Variants in CSNK2A2IP observed in about 807,000 individuals in gnomAD.
CSNK2A2IP encodes casein kinase II subunit alpha'-interacting protein.
At chr3:88,369,854 T>A in the CSNK2A2IP span, among the ~76,000 whole-genome samples, 1 of 151,840 alleles carries the variant, frequency 6.6e-6, no homozygotes, top group Non-Finnish European at 1.5e-5. Flanking sequence ...CAACTGGAAG[T>A]TTACTAGGGG....
At chr3:88,454,170 C>T in the CSNK2A2IP span, among the ~76,000 whole-genome samples, 1 of 151,864 alleles carries the variant, frequency 6.6e-6, no homozygotes. Flanking sequence ...AATTTGGATT[C>T]CTCTAAAGAA....
the CSNK2A2IP span, among the ~76,000 whole-genome samples, chr3:88,361,486 A>G: frequency 1.3e-5 from 2 of 152,284 alleles, no homozygotes; most frequent in African/African-American, 4.8e-5. Flanking sequence ...GCTGCTAAAC[A>G]TAGGATTGAA....
the CSNK2A2IP span, among the ~76,000 whole-genome samples, chr3:88,358,907 T>C: frequency 2.0e-5 from 3 of 152,190 alleles, no homozygotes; most frequent in Admixed American, 2.0e-4. Flanking sequence ...ATAGGATTAG[T>C]ATTTGTTCCA....
At chr3:88,407,634 A>G in the CSNK2A2IP span, among the ~76,000 whole-genome samples, 1 of 152,152 alleles carries the variant, frequency 6.6e-6, no homozygotes, top group Admixed American at 6.5e-5. Context: ...AATGGCTTAG[A>G]GCTTCTTTCA....
chr3:88,357,667 G>A, the CSNK2A2IP span, among the ~76,000 whole-genome samples: 1 of 152,024 alleles, frequency 6.6e-6, no homozygotes, highest in Non-Finnish European at 1.5e-5. Context: ...AGATTTCTTT[G>A]GGTAGTATGG....
chr3:88,452,408 C>A, the CSNK2A2IP span, among the ~76,000 whole-genome samples: 1 of 152,086 alleles, frequency 6.6e-6, no homozygotes, highest in East Asian at 1.9e-4. Flanking sequence ...ATATTCAAAG[C>A]GTGGCCAAGT....
chr3:88,386,725 T>C, the CSNK2A2IP span, among the ~76,000 whole-genome samples: 5,723 of 152,240 alleles, frequency 0.038, 264 homozygotes, highest in African/African-American at 0.11. Flanking sequence ...ATGTGGTGGT[T>C]AGTGAACGAA....
chr3:88,355,545 C>T, the CSNK2A2IP span, among the ~76,000 whole-genome samples: 1 of 152,160 alleles, frequency 6.6e-6, no homozygotes, highest in African/African-American at 2.4e-5. Context: ...GACTTCTGTA[C>T]ATTTTCCCAT....
the CSNK2A2IP span, among the ~76,000 whole-genome samples, chr3:88,411,363 ATCTATCTATCTATCTG>A: frequency 5.8e-4 from 75 of 129,256 alleles, 1 homozygote; most frequent in African/African-American, 2.1e-3. Context: ...CTATCTATCT[ATCTATCTATCTATCTG>A]TCTATCTATC....
the CSNK2A2IP span, among the ~76,000 whole-genome samples, chr3:88,412,215 C>T: frequency 6.6e-6 from 1 of 151,830 alleles, no homozygotes; most frequent in South Asian, 2.1e-4. Context: ...TATAAAATTA[C>T]TGACTTTGTG....
At chr3:88,362,824 G>A in the CSNK2A2IP span, among the ~76,000 whole-genome samples, 3 of 152,128 alleles carry the variant, frequency 2.0e-5, no homozygotes, top group Non-Finnish European at 4.4e-5. Context: ...GGCTGAGCTG[G>A]CATCAAAGTT....
chr3:88,421,293 T>C, the CSNK2A2IP span, among the ~76,000 whole-genome samples: 1 of 152,182 alleles, frequency 6.6e-6, no homozygotes, highest in African/African-American at 2.4e-5. Context: ...ATAGGAGACC[T>C]CTCTACTAAG....
chr3:88,357,971 C>T, the CSNK2A2IP span, among the ~76,000 whole-genome samples: 1 of 152,096 alleles, frequency 6.6e-6, no homozygotes, highest in Non-Finnish European at 1.5e-5. Flanking sequence ...AAGTGTTCTG[C>T]CCACCTCTGC....
At chr3:88,434,110 G>A in the CSNK2A2IP span, among the ~76,000 whole-genome samples, 1 of 152,192 alleles carries the variant, frequency 6.6e-6, no homozygotes, top group South Asian at 2.1e-4. Context: ...CTAAAATGTA[G>A]ACTTGGGGGC....
the CSNK2A2IP span, among the ~76,000 whole-genome samples, chr3:88,350,481 G>T: frequency 2.0e-5 from 3 of 151,914 alleles, no homozygotes; most frequent in Admixed American, 6.6e-5. Context: ...GGGATGGGAA[G>T]GGGGAGAAAA....
the CSNK2A2IP span, among the ~76,000 whole-genome samples, chr3:88,346,565 G>A: frequency 3.3e-5 from 5 of 151,930 alleles, no homozygotes; most frequent in Non-Finnish European, 7.4e-5. Context: ...CTGTGCACTA[G>A]AAATGGAACA....
the CSNK2A2IP span, among the ~76,000 whole-genome samples, chr3:88,410,778 CAGTGGTGGTTTA>C: frequency 6.6e-6 from 1 of 151,952 alleles, no homozygotes; most frequent in African/African-American, 2.4e-5. Context: ...GTTCTTATCA[CAGTGGTGGTTTA>C]TTGTATGAAT....
the CSNK2A2IP span, among the ~76,000 whole-genome samples, chr3:88,396,654 C>G: frequency 1.3e-5 from 2 of 152,118 alleles, no homozygotes; most frequent in East Asian, 3.9e-4. Context: ...AGGAGAAGCG[C>G]AATGTTAGAT....
At chr3:88,395,939 TA>T in the CSNK2A2IP span, among the ~76,000 whole-genome samples, 2 of 152,122 alleles carry the variant, frequency 1.3e-5, no homozygotes, top group African/African-American at 4.8e-5. Context: ...ATTGAACTAA[TA>T]TTTTTTGAGT....
Sources: gnomAD v4.1 joint callset for allele counts (sites outside exome capture counted in the v4.1 genomes callset) on GRCh38, gnomAD v4.1.1 for gene constraint, MANE v1.5 for transcripts, NCBI Gene and HGNC (gene_info 2026-07-23, HGNC 2026-07-21) for gene names.